The following KLF17 variants were observed in gnomAD, a reference collection of about 807,000 sequenced individuals.
The protein encoded by KLF17 is Krueppel-like factor 17.
KLF17 carries 31 observed loss-of-function variants against 34.2 expected under a neutral mutation model. The observed-to-expected ratio is 0.91, with a 90% CI of 0.68 to 1.22. The LOEUF (loss-of-function observed/expected upper bound fraction) is 1.22. KLF17 is among the 50% of genes most tolerant of loss of function. The probability of loss-of-function intolerance (pLI) is 0.00; values close to 1 mark genes in which losing one functional copy is unlikely to be tolerated. For synonymous variants in KLF17, 179 were observed against 186.7 expected (o/e 0.96, Z 0.34); for missense variants, 478 against 505.2 (o/e 0.95, Z 0.52).
the KLF17 span, among the ~76,000 whole-genome samples, chr1:44,068,302 G>A: frequency 6.6e-6 from 1 of 152,214 alleles, no homozygotes; most frequent in African/African-American, 2.4e-5. Flanking sequence ...ACAGGTGTGA[G>A]CCACTGCGCC....
chr1:44,130,377 C>A, intron 2 of KLF17, 135 bp from the exon 3 acceptor site: 2 of 1,385,780 alleles, frequency 1.4e-6, no homozygotes, highest in Admixed American at 3.6e-5. Context: ...GGCGGGCACT[C>A]CTGATTGTGT....
the KLF17 span, among the ~76,000 whole-genome samples, chr1:44,053,995 C>T: frequency 6.6e-6 from 1 of 152,196 alleles, no homozygotes; most frequent in African/African-American, 2.4e-5. Flanking sequence ...ATGCAGAAAT[C>T]ACAGGCTAAT....
the KLF17 span, among the ~76,000 whole-genome samples, chr1:44,089,273 A>G: frequency 6.6e-6 from 1 of 152,200 alleles, no homozygotes; most frequent in Non-Finnish European, 1.5e-5. Flanking sequence ...TCTGAGGTGC[A>G]AGAAGCTTAG....
the KLF17 span, chr1:44,103,686 T>C: frequency 5.6e-6 from 9 of 1,607,162 alleles, no homozygotes; most frequent in Non-Finnish European, 7.7e-6. Context: ...CATGTCCTGC[T>C]TGGCCGGCTG....
chr1:44,101,993 G>T, the KLF17 span, among the ~76,000 whole-genome samples: 2 of 152,132 alleles, frequency 1.3e-5, no homozygotes, highest in African/African-American at 4.8e-5. Context: ...GGTCGGGGCT[G>T]CAGTGAGCAG....
chr1:44,123,300 G>A (rs772045672), intron 1 of KLF17, among the ~76,000 whole-genome samples: 10 of 152,156 alleles, frequency 6.6e-5, no homozygotes, highest in Non-Finnish European at 1.3e-4. Context: ...GGCCTCAAGC[G>A]ATCCACCTGC....
At chr1:44,059,141 C>G in the KLF17 span, among the ~76,000 whole-genome samples, 1 of 152,146 alleles carries the variant, frequency 6.6e-6, no homozygotes, top group Non-Finnish European at 1.5e-5. Flanking sequence ...GCCCCTGTGA[C>G]CTGCATCTGT....
chr1:44,103,413 C>G, the KLF17 span: 1 of 776,452 alleles, frequency 1.3e-6, no homozygotes, highest in South Asian at 1.3e-5. Flanking sequence ...GCTGGTGCGG[C>G]TGAAGGAGCT....
the KLF17 span, among the ~76,000 whole-genome samples, chr1:44,067,306 G>A: frequency 1.3e-5 from 2 of 152,174 alleles, no homozygotes; most frequent in African/African-American, 4.8e-5. Context: ...TGTTTAAACA[G>A]AAAGGGATGT....
chr1:44,117,431 TTTTTA>T (rs1409861489), upstream of KLF17: 1 of 131,328 alleles, frequency 7.6e-6, no homozygotes, highest in African/African-American at 2.9e-5. Flanking sequence ...GACAGCTCCT[TTTTTA>T]TTTATTTTAT....
the KLF17 span, among the ~76,000 whole-genome samples, chr1:44,091,966 C>A: frequency 1.1e-5 from 1 of 88,302 alleles, no homozygotes. Context: ...CACACACTCT[C>A]TCTCTCTCTC....
At chr1:44,092,904 A>C in the KLF17 span, among the ~76,000 whole-genome samples, 273 of 152,310 alleles carry the variant, frequency 1.8e-3, 2 homozygotes, top group African/African-American at 6.3e-3. Context: ...ACCATCTTGA[A>C]ACCAAAATTC....
At position 44,130,087 on chromosome 1, in the gene KLF17, T is replaced by C; in HGVS notation, c.816T>C (p.Thr272=). The C allele has an allele frequency of 6.2e-7, 1 of 1,614,218 alleles. No homozygotes were observed. Among genetic ancestry groups the C allele is most frequent in the Non-Finnish European group, 8.5e-7 (1 of 1,180,044 alleles). The change falls in exon 2 of 4, where the codon ACT becomes ACC. Residue 272 remains threonine, a synonymous_variant. Coordinates refer to ENST00000372299, the MANE Select transcript of KLF17 (RefSeq NM_173484.4). ...VEKNSRPQEG[T]GRRGSSEARP... is the part of the protein sequence containing the mutation. ...AGAACTCCAGGCCTCAGGAAGGGACTGGTAGAAGGGGCTCCTCAGAGGCAA... is the reference window on the plus strand; with the variant it reads ...AGAACTCCAGGCCTCAGGAAGGGACCGGTAGAAGGGGCTCCTCAGAGGCAA...
At chr1:44,094,129 T>G in the KLF17 span, among the ~76,000 whole-genome samples, 1 of 152,206 alleles carries the variant, frequency 6.6e-6, no homozygotes, top group Non-Finnish European at 1.5e-5. Flanking sequence ...TGTTGACCAT[T>G]AGTATGTCTT....
At chr1:44,057,752 A>G in the KLF17 span, among the ~76,000 whole-genome samples, 1 of 152,184 alleles carries the variant, frequency 6.6e-6, no homozygotes, top group African/African-American at 2.4e-5. Context: ...CCCTATTCAA[A>G]TTAGTTTCTC....
chr1:44,127,601 CCTTT>C (rs200637895), intron 1 of KLF17, among the ~76,000 whole-genome samples: 27 of 137,712 alleles, frequency 2.0e-4, no homozygotes, highest in South Asian at 9.9e-4. Flanking sequence ...TGGATCTTTC[CCTTT>C]CTTTCTTTCT....
chr1:44,099,893 GAA>G, the KLF17 span, among the ~76,000 whole-genome samples: 1 of 62,424 alleles, frequency 1.6e-5, no homozygotes, highest in African/African-American at 5.3e-5. Flanking sequence ...AAGAAAGAAA[GAA>G]AGAAAGAAAG....
chr1:44,073,243 G>A, the KLF17 span, among the ~76,000 whole-genome samples: 11,712 of 144,308 alleles, frequency 0.081, 474 homozygotes, highest in African/African-American at 0.1. Flanking sequence ...GTCTCACTCC[G>A]TCGCCCAGGT....
In KLF17 at chr1:44,130,451, A is replaced by G. The variant is rs1470790829; in HGVS notation, c.926-61A>G. 6 of 1,602,910 alleles carry G rather than the reference A, an allele frequency of 3.7e-6. No homozygotes were observed. In the East Asian group the frequency reaches 8.9e-5, roughly 24 times the overall value. The stretch of plus-strand genomic sequence containing the variant: ...CTCAACCTGGACTGCTCTGCCTCAC[A>G]GAGTTAGACCCCTTCCTTCCTACTG... On this transcript the variant is annotated intron_variant, in intron 2 of 3. Transcript: ENST00000372299.
Sources: allele counts gnomAD v4.1 joint callset (sites outside exome capture counted in the v4.1 genomes callset), GRCh38; gene constraint gnomAD v4.1.1; transcripts MANE v1.5; gene names NCBI Gene and HGNC (gene_info 2026-07-23, HGNC 2026-07-21).